DENND1A: variants seen among roughly 807,000 people sequenced by gnomAD.
DENND1A encodes DENN domain-containing protein 1A.
A neutral mutation model predicts 113.7 loss-of-function variants in DENND1A; 51 were observed. The observed-to-expected ratio is 0.45, with a 90% CI of 0.36 to 0.57. DENND1A has a LOEUF of 0.57. Among genes scored for constraint, DENND1A ranks in the 20% least tolerant of loss-of-function variants. The pLI, the probability that DENND1A is intolerant of heterozygous loss-of-function variation, is 0.00. For missense variants in DENND1A, 1,258 were observed against 1,395.9 expected (o/e 0.90, Z 1.57); for synonymous variants, 565 against 570.8 (o/e 0.99, Z 0.14).
intron 16 of DENND1A, 102 bp downstream of exon 16, chr9:123,454,637 G>T: frequency 8.4e-7 from 1 of 1,185,402 alleles, no homozygotes; most frequent in Non-Finnish European, 1.2e-6. Flanking sequence ...CCAGCAGAGA[G>T]AATGGAGTGC....
In DENND1A at chr9:123,775,525, A is replaced by AG. The variant is rs200315269; in HGVS notation, c.133-5963dup. On this transcript the variant is annotated intron_variant, in intron 3 of 23. Coordinates refer to ENST00000394215, the MANE Select transcript of DENND1A (RefSeq NM_001352964.2). ...TAGGAAGATACTATTTTAAAAGAAA[A>AG]GGGGAAAAAAAAAAGAGCACTGATA... Among the ~76,000 whole-genome samples, 564 of 152,242 alleles carry AG rather than the reference A, an allele frequency of 3.7e-3. 4 individuals carry two copies. Among genetic ancestry groups the AG allele is most frequent in the African/African-American group, 0.013 (525 of 41,554 alleles).
intron 13 of DENND1A, among the ~76,000 whole-genome samples, chr9:123,531,494 T>C (rs561713619): frequency 7.3e-5 from 11 of 151,274 alleles, no homozygotes; most frequent in African/African-American, 2.7e-4. Flanking sequence ...TCACCCAGAT[T>C]ACCCAAAATG....
At chr9:123,520,147 CAAAAAA>C (rs777054330) in intron 13 of DENND1A, among the ~76,000 whole-genome samples, 5 of 37,318 alleles carry the variant, frequency 1.3e-4, no homozygotes, top group South Asian at 1.1e-3. Context: ...GATCCTGTCT[CAAAAAA>C]AAAAAAAAAA....
At chr9:123,645,477 CAACAATT>C (rs2062268281) in intron 9 of DENND1A, among the ~76,000 whole-genome samples, 1 of 152,098 alleles carries the variant, frequency 6.6e-6, no homozygotes, top group Admixed American at 6.6e-5. Context: ...AAATAAAAGG[CAACAATT>C]GGGAAACTTT....
chr9:123,529,978 G>C (rs2055161568), intron 13 of DENND1A, among the ~76,000 whole-genome samples: 1 of 152,142 alleles, frequency 6.6e-6, no homozygotes, highest in Admixed American at 6.6e-5. Flanking sequence ...AGAAAATTAG[G>C]ACACTATCAC....
intron 5 of DENND1A, among the ~76,000 whole-genome samples, chr9:123,707,451 A>G (rs10117940): frequency 0.35 from 53,305 of 151,766 alleles, 11,379 homozygotes; most frequent in African/African-American, 0.61. Context: ...AGGGAGCACC[A>G]TTTAACACTT....
intron 7 of DENND1A, among the ~76,000 whole-genome samples, chr9:123,668,044 G>T (rs2063575023): frequency 6.6e-6 from 1 of 152,134 alleles, no homozygotes; most frequent in Non-Finnish European, 1.5e-5. Flanking sequence ...TGAATTAAAT[G>T]ACAACAGGCT....
At chr9:123,431,956 C>A (rs1428927501) in intron 19 of DENND1A, among the ~76,000 whole-genome samples, 2 of 152,204 alleles carry the variant, frequency 1.3e-5, no homozygotes, top group Non-Finnish European at 2.9e-5. Flanking sequence ...TGAACTTGGG[C>A]TGAACAGAGG....
At chr9:123,583,868 C>T (rs2059038382) in intron 11 of DENND1A, among the ~76,000 whole-genome samples, 1 of 152,206 alleles carries the variant, frequency 6.6e-6, no homozygotes, top group Non-Finnish European at 1.5e-5. Flanking sequence ...CATTATTCTA[C>T]TGGCACAGTA....
chr9:123,391,642 C>T (rs2042848813), intron 21 of DENND1A, among the ~76,000 whole-genome samples: 1 of 150,740 alleles, frequency 6.6e-6, no homozygotes, highest in African/African-American at 2.4e-5. Context: ...AATAAACTTA[C>T]TTAAATTCAG....
chr9:123,882,846 G>A (rs1026629489), intron 1 of DENND1A, among the ~76,000 whole-genome samples: 6 of 152,168 alleles, frequency 3.9e-5, no homozygotes, highest in African/African-American at 9.7e-5. Flanking sequence ...ACACTTGAAC[G>A]TGGTTAAGAT....
rs939059460 is a variant in DENND1A at position 123,703,921 on chromosome 9, A to G, written c.303-27132T>C. ...TCTGTATACATTTGTCAAACTCATT[A>G]AATTGTACACTTAAAATTGGTGAAT... On this transcript the variant is annotated intron_variant, in intron 5 of 23. Coordinates refer to ENST00000394215, the MANE Select transcript of DENND1A (RefSeq NM_001352964.2). Among the ~76,000 whole-genome samples, 9 of 152,074 alleles carry G rather than the reference A, an allele frequency of 5.9e-5. No individual in the cohort carries two copies. In the South Asian group the frequency reaches 1.9e-3, roughly 32 times the overall value.
At chr9:123,772,625 G>A (rs996078771) in intron 3 of DENND1A, among the ~76,000 whole-genome samples, 1 of 152,192 alleles carries the variant, frequency 6.6e-6, no homozygotes, top group African/African-American at 2.4e-5. Flanking sequence ...AGGGGGTGGG[G>A]AGGACTGTGT....
chr9:123,428,582 C>T (rs1420995011), intron 19 of DENND1A, among the ~76,000 whole-genome samples: 1 of 152,174 alleles, frequency 6.6e-6, no homozygotes, highest in Non-Finnish European at 1.5e-5. Context: ...AAATAAAGGG[C>T]ATTCAAATAG....
At chr9:123,786,025 C>T (rs1377083572) in intron 3 of DENND1A, among the ~76,000 whole-genome samples, 3 of 151,956 alleles carry the variant, frequency 2.0e-5, no homozygotes, top group African/African-American at 7.3e-5. Flanking sequence ...CCAGCCTGGT[C>T]AACATGATGA....
intron 3 of DENND1A, among the ~76,000 whole-genome samples, chr9:123,771,703 T>G (rs1829760358): frequency 6.6e-6 from 1 of 151,738 alleles, no homozygotes; most frequent in Non-Finnish European, 1.5e-5. Context: ...ATATAGAAAC[T>G]TCTTACCACT....
intron 5 of DENND1A, among the ~76,000 whole-genome samples, chr9:123,699,251 T>G (rs556230351): frequency 3.2e-4 from 48 of 152,346 alleles, no homozygotes; most frequent in African/African-American, 1.0e-3. Flanking sequence ...ATGGAACACC[T>G]TCATGACTTA....
Position 123,575,905 on chromosome 9 carries a change from G to T in DENND1A, c.867+7264C>A, listed in dbSNP as rs555932267. On this transcript the variant is annotated intron_variant, in intron 12 of 23. Transcript: ENST00000394215. ...TACAGAAATTATACAATTGGGTCTT[G>T]CTTTTTTATATAATAACCTCTGTAA... Among the ~76,000 whole-genome samples the T allele has an allele frequency of 4.4e-4, 67 of 152,226 alleles. 1 individual carries two copies. The South Asian group carries it at 0.013, about 30-fold the overall frequency.
At chr9:123,680,992 T>TA (rs1335428690) in intron 5 of DENND1A, among the ~76,000 whole-genome samples, 3 of 151,906 alleles carry the variant, frequency 2.0e-5, no homozygotes, top group South Asian at 2.1e-4. Flanking sequence ...AACCTGGTGT[T>TA]AGAGTCCAAG....
Sources: gnomAD v4.1 joint callset for allele counts (sites outside exome capture counted in the v4.1 genomes callset) on GRCh38, gnomAD v4.1.1 for gene constraint, MANE v1.5 for transcripts, NCBI Gene and HGNC (gene_info 2026-07-23, HGNC 2026-07-21) for gene names.